The following CRYBG1 variants were observed in gnomAD, a reference collection of about 807,000 sequenced individuals.
CRYBG1 encodes beta/gamma crystallin domain-containing protein 1.
CRYBG1 carries 139 observed loss-of-function variants against 189.2 expected under a neutral mutation model. The observed-to-expected ratio is 0.73, with a 90% CI of 0.64 to 0.85. The LOEUF (loss-of-function observed/expected upper bound fraction) is 0.85, where lower values mean the gene tolerates loss of function less well. CRYBG1 is among the 40% of genes least tolerant of loss of function. The pLI, the probability that CRYBG1 is intolerant of heterozygous loss-of-function variation, is 0.00. For missense variants in CRYBG1, 2,611 were observed against 2,675.8 expected (o/e 0.98, Z 0.53); for synonymous variants, 1,023 against 1,017.1 (o/e 1.01, Z -0.11).
chr6:106,501,437 A>G (rs185713680), intron 2 of CRYBG1, among the ~76,000 whole-genome samples: 106 of 152,364 alleles, frequency 7.0e-4, no homozygotes, highest in Middle Eastern at 3.4e-3. Flanking sequence ...TAGCTCTGTT[A>G]GAAACTACAT....
At chr6:106,413,705 C>T (rs1443065923) in intron 1 of CRYBG1, among the ~76,000 whole-genome samples, 1 of 151,898 alleles carries the variant, frequency 6.6e-6, no homozygotes, top group African/African-American at 2.4e-5. Context: ...CACATGTTCA[C>T]TGCAGGCAAA....
chr6:106,481,221 G>T (rs1259786121), intron 2 of CRYBG1, among the ~76,000 whole-genome samples: 3 of 59,494 alleles, frequency 5.0e-5, no homozygotes, highest in South Asian at 4.1e-4. Flanking sequence ...TGATCCGCCC[G>T]CCTCGGCCTC....
intron 2 of CRYBG1, among the ~76,000 whole-genome samples, chr6:106,468,959 T>C (rs1772167682): frequency 6.6e-6 from 1 of 152,182 alleles, no homozygotes; most frequent in African/African-American, 2.4e-5. Flanking sequence ...ATGAATCAGA[T>C]CCAACTACTC....
At chr6:106,494,530 T>A (rs748982789) in intron 2 of CRYBG1, among the ~76,000 whole-genome samples, 1 of 152,170 alleles carries the variant, frequency 6.6e-6, no homozygotes, top group Non-Finnish European at 1.5e-5. Context: ...AGGAGAACAT[T>A]TTTTCTTGAT....
intron 1 of CRYBG1, among the ~76,000 whole-genome samples, chr6:106,366,581 TAGTA>T (rs1438706216): frequency 6.6e-6 from 1 of 152,220 alleles, no homozygotes; most frequent in Non-Finnish European, 1.5e-5. Flanking sequence ...AGTCAAAGGA[TAGTA>T]GACTTTGGTG....
At chr6:106,527,539 G>A (rs1480116413) in intron 7 of CRYBG1, 69 bp downstream of exon 7, 3 of 1,501,796 alleles carry the variant, frequency 2.0e-6, no homozygotes, top group Non-Finnish European at 2.7e-6. Context: ...TAAGGGAAAT[G>A]ATCATTTTAC....
Position 106,563,868 on chromosome 6 carries a change from G to C in CRYBG1, c.6243G>C (p.Leu2081Phe), listed in dbSNP as rs376626206. 5.6e-6 allele frequency: 9 copies of C among 1,613,474 alleles called. No homozygotes were observed. In the African/African-American group the frequency reaches 9.3e-5, roughly 17 times the overall value. ...DQNADSQFWSLKSDGRIYSKL... is the reference protein window; with the variant it reads ...DQNADSQFWSFKSDGRIYSKL... Reference sequence around the variant, plus strand: ...ATGCTGACAGCCAGTTCTGGAGCTTGAAGTCCGATGGCAGGATTTACAGCA... The same window carrying C: ...ATGCTGACAGCCAGTTCTGGAGCTTCAAGTCCGATGGCAGGATTTACAGCA... Residue 2081 changes from leucine (L) to phenylalanine (F), a missense_variant, in exon 21 of 22, where the codon TTG (leucine) becomes TTC (phenylalanine). Leu to Phe is a conservative substitution (Grantham distance 22). This residue lies in a region of CRYBG1 where 1,622 missense variants were observed against 1,735.0 expected (regional missense o/e 0.93). Coordinates refer to ENST00000633556, the MANE Select transcript of CRYBG1 (RefSeq NM_001371242.2).
At chr6:106,424,578 C>T (rs1244811884) in intron 1 of CRYBG1, among the ~76,000 whole-genome samples, 1 of 152,186 alleles carries the variant, frequency 6.6e-6, no homozygotes, top group Non-Finnish European at 1.5e-5. Context: ...TATCCTGCCT[C>T]AGCCTCCCGA....
At chr6:106,406,221 C>T (rs574236954) in intron 1 of CRYBG1, among the ~76,000 whole-genome samples, 9 of 151,940 alleles carry the variant, frequency 5.9e-5, no homozygotes, top group Non-Finnish European at 7.4e-5. Context: ...GCGAGAACTT[C>T]GTGAAGCATA....
intron 1 of CRYBG1, among the ~76,000 whole-genome samples, chr6:106,444,120 T>C (rs1235733298): frequency 6.6e-6 from 1 of 152,204 alleles, no homozygotes; most frequent in Non-Finnish European, 1.5e-5. Context: ...AATTTGTTAT[T>C]CATGAGCTTA....
intron 1 of CRYBG1, among the ~76,000 whole-genome samples, chr6:106,435,860 C>T (rs975080388): frequency 8.5e-4 from 129 of 152,236 alleles, no homozygotes; most frequent in African/African-American, 3.0e-3. Context: ...AACCACGGTG[C>T]CCAGCCCTTG....
intron 17 of CRYBG1, among the ~76,000 whole-genome samples, chr6:106,557,408 A>ATT (rs11337967): frequency 1.1e-4 from 16 of 145,064 alleles, no homozygotes; most frequent in East Asian, 6.0e-4. Context: ...ACATGCTTTT[A>ATT]TTTTTTTTTT....
intron 17 of CRYBG1, 68 bp from the exon 18 acceptor site, chr6:106,558,418 T>A (rs1582839267): frequency 2.2e-6 from 3 of 1,342,628 alleles, no homozygotes; most frequent in Non-Finnish European, 1.0e-6. Flanking sequence ...TGTAACAAGA[T>A]GATTTTCACA....
chr6:106,477,161 C>A (rs1582784952), intron 2 of CRYBG1, among the ~76,000 whole-genome samples: 2 of 152,210 alleles, frequency 1.3e-5, no homozygotes, highest in East Asian at 3.9e-4. Context: ...TTTTGGTATT[C>A]GTCCCATTGT....
At chr6:106,561,307 C>G (rs746146414) in intron 19 of CRYBG1, 35 bp from the exon 20 acceptor site, 1 of 1,605,208 alleles carries the variant, frequency 6.2e-7, no homozygotes, top group Non-Finnish European at 8.5e-7. Flanking sequence ...AGCAGCACAT[C>G]TGGTATAACA....
intron 8 of CRYBG1, among the ~76,000 whole-genome samples, chr6:106,538,654 A>G (rs2615208): frequency 0.057 from 8,675 of 152,180 alleles, 842 homozygotes; most frequent in African/African-American, 0.2. Flanking sequence ...CACCTTTGGG[A>G]GGCCAAGGCG....
chr6:106,462,164 T>G (rs1772020647), intron 2 of CRYBG1, among the ~76,000 whole-genome samples: 2 of 152,090 alleles, frequency 1.3e-5, no homozygotes, highest in African/African-American at 4.8e-5. Flanking sequence ...GTTTTTTGTT[T>G]TTTTGTTTTG....
At position 106,551,403 on chromosome 6, in the gene CRYBG1, C is replaced by A. The variant is rs151323938; in HGVS notation, c.5313-449C>A. ...TTTATATGTACCACATTTTCTCTAT[C>A]CAATCCACCATTGATCAATGAACAC... On this transcript the variant is annotated intron_variant, in intron 13 of 21. Transcript: ENST00000633556. Among the ~76,000 whole-genome samples the A allele has an allele frequency of 2.4e-3, 366 of 152,248 alleles. 1 individual carries two copies. The highest frequency in any genetic ancestry group is 3.8e-3 in the Non-Finnish European group (261 of 68,018).
intron 11 of CRYBG1, among the ~76,000 whole-genome samples, chr6:106,544,322 C>T (rs1774207258): frequency 6.6e-6 from 1 of 152,148 alleles, no homozygotes; most frequent in Non-Finnish European, 1.5e-5. Context: ...ATTAAACACA[C>T]ACACATACAC....
Sources: gnomAD v4.1 joint callset for allele counts (sites outside exome capture counted in the v4.1 genomes callset) on GRCh38, gnomAD v4.1.1 for gene constraint, gnomAD v4.1.1 regional missense constraint, MANE v1.5 for transcripts, NCBI Gene and HGNC (gene_info 2026-07-23, HGNC 2026-07-21) for gene names.